AGBL1: variants seen among roughly 807,000 people sequenced by gnomAD.
The protein encoded by AGBL1 is cytosolic carboxypeptidase 4.
A neutral mutation model predicts 118.9 loss-of-function variants in AGBL1; 130 were observed. The ratio of observed to expected loss-of-function variants is 1.09; its 90% confidence interval spans 0.95 to 1.26. The LOEUF is 1.26. Ranked by LOEUF, AGBL1 falls within the 50% of genes most tolerant of loss-of-function variation. AGBL1 has a pLI of 0.00. For missense variants in AGBL1, 1,584 were observed against 1,298.1 expected (o/e 1.22, Z -3.38); for synonymous variants, 555 against 478.9 (o/e 1.16, Z -2.08).
At chr15:86,501,053 T>A (rs1358845525) in intron 18 of AGBL1, among the ~76,000 whole-genome samples, 1 of 151,594 alleles carries the variant, frequency 6.6e-6, no homozygotes, top group East Asian at 1.9e-4. Flanking sequence ...CTGGGTCATA[T>A]GGGGACTATA....
chr15:86,904,616 CTATTA>C (rs1331367395), intron 22 of AGBL1, among the ~76,000 whole-genome samples: 3 of 147,724 alleles, frequency 2.0e-5, no homozygotes, highest in Non-Finnish European at 3.0e-5. Flanking sequence ...TTTGTAGTAT[CTATTA>C]TATTTATTTT....
intron 22 of AGBL1, among the ~76,000 whole-genome samples, chr15:86,836,661 C>T (rs1170565234): frequency 2.0e-5 from 3 of 152,136 alleles, no homozygotes; most frequent in Non-Finnish European, 4.4e-5. Context: ...AGTGACCTAG[C>T]TCTAGCCTGC....
chr15:86,439,266 C>T (rs1406416680), intron 18 of AGBL1, among the ~76,000 whole-genome samples: 2 of 152,140 alleles, frequency 1.3e-5, no homozygotes, highest in Non-Finnish European at 1.5e-5. Context: ...AACGTTGAAA[C>T]TAATTTAAAA....
At chr15:86,670,650 G>GTGTGTGTGTGTA (rs369000727) in intron 21 of AGBL1, among the ~76,000 whole-genome samples, 1 of 141,106 alleles carries the variant, frequency 7.1e-6, no homozygotes, top group South Asian at 2.2e-4. Context: ...GTGTGTGTGT[G>GTGTGTGTGTGTA]TATATATATA....
chr15:86,180,174 T>C (rs769331688), intron 5 of AGBL1, among the ~76,000 whole-genome samples: 2 of 152,094 alleles, frequency 1.3e-5, no homozygotes, highest in Non-Finnish European at 2.9e-5. Flanking sequence ...AGGCTTTCTG[T>C]ATGTTGTGGA....
In AGBL1 at chr15:86,100,026, G is replaced by T. The variant is rs561832266; in HGVS notation, c.51+20003G>T. 6.8e-5 allele frequency among the ~76,000 whole-genome samples: 10 copies of T among 148,084 alleles called. No homozygotes were observed. The East Asian group carries it at 2.0e-3, about 29-fold the overall frequency. ...TCTTCTATGTTTAATTTTTTGAGAG[G>T]TTTTTTTTTTAATCATGAAGGAATG... On this transcript the variant is annotated intron_variant, in intron 1 of 22. Transcript: ENST00000614907.
rs187259545 is a variant in AGBL1 at position 86,492,382 on chromosome 15, G to A, written c.2556-30428G>A. Among the ~76,000 whole-genome samples, 76 of 152,154 alleles carry A rather than the reference G, an allele frequency of 5.0e-4. 2 individuals are homozygous for A. The highest frequency in any genetic ancestry group is 1.5e-3 in the African/African-American group (63 of 41,530). ...AGGTGGGTGGATCACTTGAGGTCAG[G>A]AGTTCAAGACCAGTGTGGCCAACAT... On this transcript the variant is annotated intron_variant, in intron 18 of 22. Transcript: ENST00000614907.
chr15:86,761,106 C>A (rs1322883729), intron 22 of AGBL1, among the ~76,000 whole-genome samples: 1 of 152,048 alleles, frequency 6.6e-6, no homozygotes, highest in African/African-American at 2.4e-5. Context: ...CTTCCTTAGA[C>A]AAGTACCCCA....
At chr15:86,565,629 G>T (rs2083901584) in intron 21 of AGBL1, among the ~76,000 whole-genome samples, 1 of 152,208 alleles carries the variant, frequency 6.6e-6, no homozygotes, top group African/African-American at 2.4e-5. Context: ...CAAACTCCAT[G>T]CTAGGAGAAC....
intron 22 of AGBL1, among the ~76,000 whole-genome samples, chr15:86,737,871 A>T (rs1193255940): frequency 6.6e-6 from 1 of 152,176 alleles, no homozygotes; most frequent in African/African-American, 2.4e-5. Context: ...TTTTCTGATA[A>T]ACATAGATGC....
chr15:86,993,717 C>G (rs1195272318), intron 24 of AGBL1, among the ~76,000 whole-genome samples: 2 of 152,168 alleles, frequency 1.3e-5, no homozygotes, highest in African/African-American at 4.8e-5. Flanking sequence ...GGGAGAGAAG[C>G]AAATCTATCT....
chr15:86,706,730 C>T (rs1339211696), intron 22 of AGBL1, among the ~76,000 whole-genome samples: 1 of 152,114 alleles, frequency 6.6e-6, no homozygotes, highest in African/African-American at 2.4e-5. Flanking sequence ...AAATTTTGGG[C>T]ATATTTTATC....
intron 18 of AGBL1, among the ~76,000 whole-genome samples, chr15:86,435,795 T>G (rs552105112): frequency 2.0e-5 from 3 of 152,268 alleles, no homozygotes; most frequent in South Asian, 4.2e-4. Flanking sequence ...TAGAATCCAT[T>G]AATTCAATGA....
intron 1 of AGBL1, chr15:86,138,382 C>T (rs555136517): frequency 6.6e-6 from 1 of 152,336 alleles, no homozygotes; most frequent in East Asian, 1.9e-4. Flanking sequence ...TGGCTGGGTT[C>T]AATGTTTCTT....
intron 21 of AGBL1, among the ~76,000 whole-genome samples, chr15:86,603,991 C>G (rs932800680): frequency 2.6e-5 from 4 of 152,088 alleles, no homozygotes; most frequent in African/African-American, 9.7e-5. Context: ...TGAGCCATCC[C>G]CAAATATTTC....
chr15:86,729,068 C>T (rs1370858889), intron 22 of AGBL1, among the ~76,000 whole-genome samples: 1 of 152,156 alleles, frequency 6.6e-6, no homozygotes, highest in East Asian at 1.9e-4. Context: ...TAACATTTAT[C>T]TAAGCTCCCT....
At position 86,852,387 on chromosome 15, in the gene AGBL1, G is replaced by A. The variant is rs916756292; in HGVS notation, c.3159-54700G>A. On this transcript the variant is annotated intron_variant, in intron 22 of 22. Transcript: ENST00000614907. ...ACATGTCCCTCCTTCGACACATGTG[G>A]ATTACAATTGGAGATTATATTTGGG... 8.2e-4 allele frequency among the ~76,000 whole-genome samples: 124 copies of A among 152,074 alleles called. 10 individuals are homozygous for A. The highest frequency in any genetic ancestry group is 4.4e-5 in the Non-Finnish European group (3 of 68,032).
chr15:86,757,730 T>C (rs907442525), intron 22 of AGBL1, among the ~76,000 whole-genome samples: 1 of 152,120 alleles, frequency 6.6e-6, no homozygotes. Context: ...GAATTTCCTT[T>C]CTTTCCTCCC....
rs986660046 is a variant in AGBL1 at position 86,914,073 on chromosome 15, G to C, written c.*6779G>C. Reference sequence around the variant, plus strand: ...TATTCAGTTAAAGTGTCTGAGTGTAGCCCTGGTCTTGAAGGGCAGGGCAAG... The same window carrying C: ...TATTCAGTTAAAGTGTCTGAGTGTACCCCTGGTCTTGAAGGGCAGGGCAAG... On this transcript the variant is annotated 3_prime_UTR_variant, in exon 23 of 23. Transcript: ENST00000614907. 6.6e-6 allele frequency: 1 copy of C among 152,198 alleles called. No homozygotes were observed. Among genetic ancestry groups the C allele is most frequent in the African/African-American group, 2.4e-5 (1 of 41,444 alleles). 9.4% of individuals were successfully genotyped at this position (152,198 alleles called of 1,614,324 possible). A position where few individuals can be genotyped will look rare whatever the true frequency, so the allele number is the denominator to read the frequency against.
Sources: gnomAD v4.1 joint callset for allele counts (sites outside exome capture counted in the v4.1 genomes callset) on GRCh38, gnomAD v4.1.1 for gene constraint, MANE v1.5 for transcripts, NCBI Gene and HGNC (gene_info 2026-07-23, HGNC 2026-07-21) for gene names.